SLC24A2: variants seen among roughly 807,000 people sequenced by gnomAD.
The protein encoded by SLC24A2 is solute carrier family 24 member 2, also known as sodium/potassium/calcium exchanger 2.
Under a neutral mutation model 62.0 loss-of-function variants are expected in SLC24A2, and 36 were observed. The observed-to-expected ratio is 0.58, with a 90% CI of 0.44 to 0.77. The LOEUF is 0.77. SLC24A2 is among the 30% of genes least tolerant of loss of function. The pLI, the probability that SLC24A2 is intolerant of heterozygous loss-of-function variation, is 0.00. For missense variants in SLC24A2, 846 were observed against 817.9 expected, an observed-to-expected ratio of 1.03 and a Z score of -0.42; for synonymous variants, 358 against 294.0, an observed-to-expected ratio of 1.22 and a Z score of -2.23.
At chr9:20,028,622 A>G in the SLC24A2 span, among the ~76,000 whole-genome samples, 2 of 152,142 alleles carry the variant, frequency 1.3e-5, no homozygotes, top group East Asian at 3.9e-4. Context: ...GAAACGTGCC[A>G]TTCTGCTCGG....
chr9:19,721,588 A>G (rs1821026307), intron 2 of SLC24A2, among the ~76,000 whole-genome samples: 1 of 152,180 alleles, frequency 6.6e-6, no homozygotes, highest in Admixed American at 6.5e-5. Context: ...AAGAAATTAA[A>G]TAATAAATGA....
At position 19,544,702 on chromosome 9, in the gene SLC24A2, T is replaced by C. The variant is rs551932114; in HGVS notation, c.1479+5435A>G. 8.5e-5 allele frequency among the ~76,000 whole-genome samples: 13 copies of C among 152,336 alleles called. No individual in the cohort carries two copies. The East Asian group carries it at 2.1e-3, about 25-fold the overall frequency. ...CTTCACTTACGAAACTGAGTTTGCC[T>C]GGATATGAAATTCTGGGTTGAAAAT... On this transcript the variant is annotated intron_variant, in intron 8 of 10. Coordinates refer to ENST00000341998, the MANE Select transcript of SLC24A2 (RefSeq NM_020344.4).
chr9:20,276,671 G>C, the SLC24A2 span, among the ~76,000 whole-genome samples: 1 of 152,206 alleles, frequency 6.6e-6, no homozygotes, highest in South Asian at 2.1e-4. Context: ...CCTAACAGAT[G>C]TTCTCCATGA....
At chr9:20,249,944 G>T in the SLC24A2 span, among the ~76,000 whole-genome samples, 1 of 152,064 alleles carries the variant, frequency 6.6e-6, no homozygotes, top group Non-Finnish European at 1.5e-5. Flanking sequence ...AAGAAAATAT[G>T]TACAATTTCC....
At chr9:19,616,406 C>T (rs1195929400) in intron 4 of SLC24A2, among the ~76,000 whole-genome samples, 4 of 152,062 alleles carry the variant, frequency 2.6e-5, no homozygotes, top group Admixed American at 2.0e-4. Flanking sequence ...GTGACTTGTC[C>T]GAGGTCACAC....
the SLC24A2 span, among the ~76,000 whole-genome samples, chr9:19,895,136 A>G: frequency 8.5e-5 from 13 of 152,348 alleles, no homozygotes; most frequent in East Asian, 1.3e-3. Flanking sequence ...CACGGTTTGA[A>G]TATAAACAAC....
upstream of SLC24A2, among the ~76,000 whole-genome samples, chr9:19,791,594 C>G (rs1307424018): frequency 6.6e-6 from 1 of 152,224 alleles, no homozygotes. Flanking sequence ...AAGGCTACAA[C>G]TTCCATCCTG....
At chr9:19,876,519 A>G in the SLC24A2 span, among the ~76,000 whole-genome samples, 5 of 152,100 alleles carry the variant, frequency 3.3e-5, no homozygotes, top group Non-Finnish European at 7.4e-5. Context: ...TCAGATCAGC[A>G]GCAAATTGTG....
the SLC24A2 span, among the ~76,000 whole-genome samples, chr9:20,094,974 A>G: frequency 6.6e-6 from 1 of 152,156 alleles, no homozygotes; most frequent in African/African-American, 2.4e-5. Flanking sequence ...TAATTATCTG[A>G]AAAAGCTATT....
At chr9:20,202,431 C>A in the SLC24A2 span, among the ~76,000 whole-genome samples, 2 of 152,164 alleles carry the variant, frequency 1.3e-5, no homozygotes, top group Non-Finnish European at 2.9e-5. Context: ...CCATTTTCGA[C>A]AGGCGCATTT....
the SLC24A2 span, among the ~76,000 whole-genome samples, chr9:20,106,021 C>T: frequency 6.6e-6 from 1 of 152,094 alleles, no homozygotes; most frequent in Non-Finnish European, 1.5e-5. Context: ...GGAATATCAC[C>T]ACTGATCCCA....
At chr9:19,760,968 C>T (rs540549626) in intron 2 of SLC24A2, among the ~76,000 whole-genome samples, 1 of 152,080 alleles carries the variant, frequency 6.6e-6, no homozygotes, top group South Asian at 2.1e-4. Flanking sequence ...ACGTAAACGA[C>T]AAGTTAAGGA....
At chr9:19,657,803 C>T (rs1818984862) in intron 2 of SLC24A2, among the ~76,000 whole-genome samples, 1 of 152,154 alleles carries the variant, frequency 6.6e-6, no homozygotes, top group Non-Finnish European at 1.5e-5. Flanking sequence ...TCCCAGCCCA[C>T]TGCAGACTTG....
chr9:19,584,351 G>A (rs961129656), intron 5 of SLC24A2, among the ~76,000 whole-genome samples: 5 of 151,936 alleles, frequency 3.3e-5, no homozygotes, highest in Non-Finnish European at 7.4e-5. Flanking sequence ...GCTATGTACT[G>A]GGCTGTATTT....
chr9:19,779,868 G>GCTAA (rs930043034), intron 2 of SLC24A2, among the ~76,000 whole-genome samples: 4 of 151,520 alleles, frequency 2.6e-5, no homozygotes, highest in Non-Finnish European at 5.9e-5. Context: ...GACCACCCTG[G>GCTAA]CTAACATGGT....
the SLC24A2 span, among the ~76,000 whole-genome samples, chr9:19,833,289 A>C: frequency 1.3e-5 from 2 of 152,184 alleles, no homozygotes; most frequent in East Asian, 3.9e-4. Context: ...ATTACCTCAC[A>C]CGTGACGTGC....
At chr9:19,568,636 C>T (rs530490151) in intron 7 of SLC24A2, among the ~76,000 whole-genome samples, 1 of 152,202 alleles carries the variant, frequency 6.6e-6, no homozygotes, top group African/African-American at 2.4e-5. Flanking sequence ...TCCAGGGTCA[C>T]ACAGCTGGTA....
At position 19,785,917 on chromosome 9, in the gene SLC24A2, A is replaced by G. The variant is rs764523454; in HGVS notation, c.930+20T>C. On this transcript the variant is annotated intron_variant, in intron 2 of 10. Transcript: ENST00000341998. ...ACCGTAGTCAAGAAAAGCATTAAATAAAAATCCACCACCACCAACCTTTGC... is the reference window on the plus strand; with the variant it reads ...ACCGTAGTCAAGAAAAGCATTAAATGAAAATCCACCACCACCAACCTTTGC... The G allele has an allele frequency of 3.7e-6, 6 of 1,614,186 alleles. No individual in the cohort carries two copies. The highest frequency in any genetic ancestry group is 5.1e-6 in the Non-Finnish European group (6 of 1,180,000).
the SLC24A2 span, among the ~76,000 whole-genome samples, chr9:19,906,877 A>G: frequency 2.0e-5 from 3 of 152,224 alleles, no homozygotes; most frequent in African/African-American, 7.2e-5. Context: ...ATGGATTCAC[A>G]GCCGAATTCT....
Sources: gnomAD v4.1 joint callset for allele counts (sites outside exome capture counted in the v4.1 genomes callset) on GRCh38, gnomAD v4.1.1 for gene constraint, MANE v1.5 for transcripts, NCBI Gene and HGNC (gene_info 2026-07-23, HGNC 2026-07-21) for gene names.